The following WNT5A variants were observed in gnomAD, a reference collection of about 807,000 sequenced individuals.
WNT5A encodes the protein Wnt family member 5A, also known as protein Wnt-5a.
In WNT5A, 9 loss-of-function variants were observed where a neutral mutation model predicts 42.1. That is an observed-to-expected ratio of 0.21 (90% CI 0.13 to 0.37). The LOEUF is 0.37. Among genes scored for constraint, WNT5A ranks in the 10% least tolerant of loss-of-function variants. The probability of loss-of-function intolerance (pLI) is 1.00; values close to 1 mark genes in which losing one functional copy is unlikely to be tolerated. For synonymous variants in WNT5A, 210 were observed against 210.0 expected, an observed-to-expected ratio of 1.00 and a Z score of 0.00; for missense variants, 426 against 534.0, an observed-to-expected ratio of 0.80 and a Z score of 1.99.
intron 3 of WNT5A, 67 bp from the exon 4 acceptor site, chr3:55,474,696 T>G (rs1314499366): frequency 2.4e-3 from 468 of 192,090 alleles, no homozygotes; most frequent in South Asian, 0.018. Flanking sequence ...CTGCCGGGGG[T>G]GGGGGTGGGG....
At chr3:55,492,577 AG>A (rs1407228252), upstream of WNT5A, among the ~76,000 whole-genome samples, 2 of 152,166 alleles carry the variant, frequency 1.3e-5, no homozygotes, top group East Asian at 3.9e-4. Context: ...TGAGGAGAGT[AG>A]AGGTAGGGGC....
At chr3:55,488,506 A>G (rs2051617868), upstream of WNT5A, among the ~76,000 whole-genome samples, 1 of 144,750 alleles carries the variant, frequency 6.9e-6, no homozygotes, top group African/African-American at 2.5e-5. Context: ...AGGGGGGGGA[A>G]GAAAGAAAAA....
upstream of WNT5A, among the ~76,000 whole-genome samples, chr3:55,494,769 C>T (rs2051697850): frequency 6.6e-6 from 1 of 152,178 alleles, no homozygotes; most frequent in Non-Finnish European, 1.5e-5. Context: ...GAACTCTTGA[C>T]CTCATGATCC....
intron 4 of WNT5A, among the ~76,000 whole-genome samples, chr3:55,471,473 C>T (rs146426466): frequency 8.4e-4 from 128 of 152,300 alleles, no homozygotes; most frequent in African/African-American, 2.9e-3. Context: ...TTTCTATCTG[C>T]GAAGGCAGCA....
At chr3:55,504,938 G>T in the WNT5A span, among the ~76,000 whole-genome samples, 1 of 152,120 alleles carries the variant, frequency 6.6e-6, no homozygotes, top group East Asian at 1.9e-4. Context: ...GCTTTATATA[G>T]ATAGAATCAC....
In WNT5A at chr3:55,465,780, T is replaced by C. The variant is rs2051132515; in HGVS notation, c.*4312A>G. 1 of 152,200 alleles carries C rather than the reference T, an allele frequency of 6.6e-6. No homozygotes were observed. 9.4% of individuals were successfully genotyped at this position (152,200 alleles called of 1,614,324 possible). A position where few individuals can be genotyped will look rare whatever the true frequency, so the allele number is the denominator to read the frequency against. ...TGAACAAAAATAAATAATCTTTATCTCATTTCTAGCCCAGCAAATTGTACA... is the reference window on the plus strand; with the variant it reads ...TGAACAAAAATAAATAATCTTTATCCCATTTCTAGCCCAGCAAATTGTACA... On this transcript the variant is annotated 3_prime_UTR_variant, in exon 5 of 5. Transcript: ENST00000264634.
chr3:55,482,773 C>T (rs540143444), intron 1 of WNT5A, among the ~76,000 whole-genome samples: 1 of 152,186 alleles, frequency 6.6e-6, no homozygotes, highest in East Asian at 1.9e-4. Context: ...TCCCCACCCC[C>T]GCCCTAAGTG....
At chr3:55,481,463 GGACGCGGGAGGGAA>G in intron 1 of WNT5A, 5 of 872,122 alleles carry the variant, frequency 5.7e-6, no homozygotes, top group Non-Finnish European at 6.9e-6. Flanking sequence ...GATGGGGGCA[GGACGCGGGAGGGAA>G]GGGCAGGGGG....
intron 4 of WNT5A, among the ~76,000 whole-genome samples, chr3:55,474,000 A>G (rs923507052): frequency 3.3e-5 from 5 of 152,156 alleles, no homozygotes; most frequent in Admixed American, 2.0e-4. Context: ...AGGGAGGATG[A>G]TCCGCCCAGG....
At chr3:55,503,058 T>G in the WNT5A span, among the ~76,000 whole-genome samples, 1 of 152,210 alleles carries the variant, frequency 6.6e-6, no homozygotes. Context: ...GAAGTACAAG[T>G]GGTAATTATA....
At chr3:55,481,719 C>T (rs1420561443) in intron 1 of WNT5A, among the ~76,000 whole-genome samples, 1 of 152,012 alleles carries the variant, frequency 6.6e-6, no homozygotes. Flanking sequence ...GGTCTCCCAA[C>T]CAAGGAAACT....
chr3:55,498,375 G>A, the WNT5A span, among the ~76,000 whole-genome samples: 7 of 152,128 alleles, frequency 4.6e-5, no homozygotes, highest in Admixed American at 4.6e-4. Flanking sequence ...AATGAGCCGC[G>A]GCTCCCGCTC....
chr3:55,479,670 C>T (rs2051421897), intron 2 of WNT5A, 106 bp from the exon 3 acceptor site: 7 of 1,396,982 alleles, frequency 5.0e-6, no homozygotes, highest in Non-Finnish European at 6.7e-6. Context: ...ATGCTTTTTT[C>T]TCTCCTGCTT....
chr3:55,467,164 G>A lies in WNT5A; in HGVS notation c.*2928C>T, dbSNP rs571823378. ...GTCCACAGTAAATTCAAATAGAGAGGTGCAATAGTTGCAGTGGTAAACACA... is the reference window on the plus strand; with the variant it reads ...GTCCACAGTAAATTCAAATAGAGAGATGCAATAGTTGCAGTGGTAAACACA... On this transcript the variant is annotated 3_prime_UTR_variant, in exon 5 of 5. Transcript: ENST00000264634. 3 of 152,192 alleles carry A rather than the reference G, an allele frequency of 2.0e-5. No homozygotes were observed. In the South Asian group the frequency reaches 6.2e-4, roughly 32 times the overall value. The allele number at this position is 152,192 out of a possible 1,614,324, so 9.4% of individuals were successfully genotyped here. A position where few individuals can be genotyped will look rare whatever the true frequency, so the allele number is the denominator to read the frequency against.
rs1011954040 is a variant in WNT5A at position 55,487,141 on chromosome 3, G to T, written c.-156C>A. 1 of 645,922 alleles carries T rather than the reference G, an allele frequency of 1.5e-6. No homozygotes were observed. Among genetic ancestry groups the T allele is most frequent in the African/African-American group, 1.8e-5 (1 of 54,330 alleles). The allele number at this position is 645,922 out of a possible 1,614,324, so 40.0% of individuals were successfully genotyped here. On this transcript the variant is annotated 5_prime_UTR_variant, in exon 1 of 5. Coordinates refer to ENST00000264634, the MANE Select transcript of WNT5A (RefSeq NM_003392.7). Reference sequence around the variant, plus strand: ...CCGGCGGGCGCAGTGAACCGGAGCTGAAGCGGGCACTGGCGCCCGGGCCTG... The same window carrying T: ...CCGGCGGGCGCAGTGAACCGGAGCTTAAGCGGGCACTGGCGCCCGGGCCTG...
chr3:55,470,643 G>C, intron 4 of WNT5A, 93 bp from the exon 5 acceptor site: 1 of 1,181,136 alleles, frequency 8.5e-7, no homozygotes, highest in South Asian at 1.7e-5. Context: ...TCTCCATGGA[G>C]CTATGTTCCC....
chr3:55,504,759 C>G, the WNT5A span, among the ~76,000 whole-genome samples: 1 of 152,160 alleles, frequency 6.6e-6, no homozygotes, highest in African/African-American at 2.4e-5. Context: ...CCACTGTGCC[C>G]GGCCTAGGCT....
intron 1 of WNT5A, among the ~76,000 whole-genome samples, chr3:55,485,309 A>G (rs2051556341): frequency 6.9e-6 from 1 of 144,588 alleles, no homozygotes; most frequent in African/African-American, 2.6e-5. Flanking sequence ...GGCCGCGGGG[A>G]TGGCTCCGAG....
the WNT5A span, among the ~76,000 whole-genome samples, chr3:55,499,872 G>T: frequency 6.6e-6 from 1 of 151,994 alleles, no homozygotes; most frequent in African/African-American, 2.4e-5. Context: ...CTACTTGGGA[G>T]GCTGAGGCAG....
Sources: gnomAD v4.1 joint callset for allele counts (sites outside exome capture counted in the v4.1 genomes callset) on GRCh38, gnomAD v4.1.1 for gene constraint, MANE v1.5 for transcripts, NCBI Gene and HGNC (gene_info 2026-07-23, HGNC 2026-07-21) for gene names.